Variants in TRPV2 observed in about 807,000 individuals in gnomAD.
The protein encoded by TRPV2 is transient receptor potential cation channel subfamily V member 2.
Under a neutral mutation model 91.0 loss-of-function variants are expected in TRPV2, and 58 were observed. The observed-to-expected ratio is 0.64, with a 90% CI of 0.52 to 0.79. The LOEUF is 0.79. Among genes scored for constraint, TRPV2 ranks in the 30% least tolerant of loss-of-function variants. The pLI is 0.00. For missense variants in TRPV2, 807 were observed against 969.6 expected (o/e 0.83, Z 2.23); for synonymous variants, 417 against 414.8 (o/e 1.01, Z -0.06).
Position 16,422,889 on chromosome 17 carries a change from GGTGA to G in TRPV2, c.625+6_625+9del. 6.4e-7 allele frequency: 1 copy of G among 1,558,526 alleles called. No homozygotes were observed. The highest frequency in any genetic ancestry group is 8.7e-7 in the Non-Finnish European group (1 of 1,150,038). On this transcript the variant is annotated splice_donor_variant and splice_donor_region_variant and intron_variant, in intron 4 of 14. Coordinates refer to ENST00000338560, the MANE Select transcript of TRPV2 (RefSeq NM_016113.5). LOFTEE classifies it high-confidence loss of function. The stretch of plus-strand genomic sequence containing the variant: ...GGGCCAAGGGACTTGCTTTTATTTC[GGTGA>G]GTGAGCCTTTCTTGGATAAATCGAG...
At chr17:16,429,016 T>C in intron 10 of TRPV2, 34 bp downstream of exon 10, 1 of 1,611,428 alleles carries the variant, frequency 6.2e-7, no homozygotes, top group Middle Eastern at 1.7e-4. Flanking sequence ...GGGACTCTTT[T>C]GGCCTCATCA....
At position 16,423,720 on chromosome 17, in the gene TRPV2, C is replaced by T; in HGVS notation, c.877C>T (p.Gln293Ter). 1 of 1,607,198 alleles carries T rather than the reference C, an allele frequency of 6.2e-7. No homozygotes were observed. The highest frequency in any genetic ancestry group is 8.5e-7 in the Non-Finnish European group (1 of 1,175,164). Residue 293 changes from glutamine (Q) to a stop codon, truncating the protein, a stop_gained, in exon 5 of 15, where the codon CAG becomes TAG. Coordinates refer to ENST00000338560, the MANE Select transcript of TRPV2 (RefSeq NM_016113.5). LOFTEE classifies it high-confidence loss of function. ...TVQLEDIRNL[Q>*]DLTPLKLAAK... ...GCAGCTTGAGGACATCCGCAACCTGCAGGATCTCACGCCTCTGAAGCTGGC... is the reference window on the plus strand; with the variant it reads ...GCAGCTTGAGGACATCCGCAACCTGTAGGATCTCACGCCTCTGAAGCTGGC...
intron 10 of TRPV2, among the ~76,000 whole-genome samples, chr17:16,431,371 A>G (rs1386469544): frequency 7.5e-6 from 1 of 134,054 alleles, no homozygotes; most frequent in Admixed American, 8.1e-5. Flanking sequence ...TCGGCTCACC[A>G]CAACCTCTGC....
In TRPV2 at chr17:16,427,330, C is replaced by G; in HGVS notation, c.1252-119C>G. Reference sequence around the variant, plus strand: ...CTTCCCTGGAGCCCATGTTCCCATGCCGTTCTGAGGAGCCTCTCCACAGCT... The same window carrying G: ...CTTCCCTGGAGCCCATGTTCCCATGGCGTTCTGAGGAGCCTCTCCACAGCT... On this transcript the variant is annotated intron_variant, in intron 7 of 14. Transcript: ENST00000338560. The G allele has an allele frequency of 6.8e-6, 6 of 883,324 alleles. No homozygotes were observed. In the South Asian group the frequency reaches 1.0e-4, roughly 15 times the overall value. The allele number at this position is 883,324 out of a possible 1,614,324, so 54.7% of individuals were successfully genotyped here.
rs1158161494 is a variant in TRPV2 at position 16,436,924 on chromosome 17, C to A, written c.*35C>A. On this transcript the variant is annotated 3_prime_UTR_variant, in exon 15 of 15. Coordinates refer to ENST00000338560, the MANE Select transcript of TRPV2 (RefSeq NM_016113.5). Reference sequence around the variant, plus strand: ...TGCAGCAGGAGGCCAGAGGACAGAGCAGAGGATCTTTCCAACCACATCTGC... The same window carrying A: ...TGCAGCAGGAGGCCAGAGGACAGAGAAGAGGATCTTTCCAACCACATCTGC... The A allele has an allele frequency of 6.5e-7, 1 of 1,550,214 alleles. No homozygotes were observed. Among genetic ancestry groups the A allele is most frequent in the South Asian group, 1.1e-5 (1 of 89,896 alleles).
At chr17:16,423,343 G>T in intron 4 of TRPV2, 126 bp from the exon 5 acceptor site, 2 of 1,120,792 alleles carry the variant, frequency 1.8e-6, no homozygotes, top group Non-Finnish European at 2.5e-6. Flanking sequence ...CCCCTGTTCT[G>T]CTCCCTTCAG....
chr17:16,435,051 C>T lies in TRPV2; in HGVS notation c.2194+82C>T. ...CCACAAAGCCTTGGAGAGTCTGGGGCAGGACCCAGAGACCTCCTCATAGTC... is the reference window on the plus strand; with the variant it reads ...CCACAAAGCCTTGGAGAGTCTGGGGTAGGACCCAGAGACCTCCTCATAGTC... On this transcript the variant is annotated intron_variant, in intron 14 of 14. Coordinates refer to ENST00000338560, the MANE Select transcript of TRPV2 (RefSeq NM_016113.5). This position sits in a 1 kb window ranked among gnomAD's most constrained non-coding sequence, Gnocchi z 4.2. The T allele has an allele frequency of 4.0e-6, 5 of 1,248,124 alleles. No individual in the cohort carries two copies. The highest frequency in any genetic ancestry group is 5.5e-6 in the Non-Finnish European group (5 of 903,480). 77.3% of individuals were successfully genotyped at this position (1,248,124 alleles called of 1,614,324 possible).
intron 1 of TRPV2, chr17:16,416,674 G>A (rs1258088579): frequency 1.3e-5 from 2 of 152,210 alleles, no homozygotes; most frequent in Non-Finnish European, 2.9e-5. Context: ...AATATAGACA[G>A]ACCCTGAAAG....
In TRPV2 at chr17:16,417,673, C is replaced by T. The variant is rs1399748667; in HGVS notation, c.5C>T (p.Thr2Ile). The change falls in exon 2 of 15, where the codon ACC (threonine) becomes ATC (isoleucine). Residue 2 changes from threonine to isoleucine, a missense_variant. Coordinates refer to ENST00000338560, the MANE Select transcript of TRPV2 (RefSeq NM_016113.5). ...GAGCAGCCTCCTCCTCCTAGGATGA[C>T]CTCACCCTCCAGCTCTCCAGTTTTC... M[T>I]SPSSSPVFRL... 1.9e-6 allele frequency: 3 copies of T among 1,614,048 alleles called. No homozygotes were observed. The highest frequency in any genetic ancestry group is 2.5e-6 in the Non-Finnish European group (3 of 1,179,958).
intron 9 of TRPV2, 91 bp downstream of exon 9, chr17:16,428,478 C>T (rs549659886): frequency 5.1e-6 from 7 of 1,368,172 alleles, no homozygotes; most frequent in African/African-American, 4.3e-5. Context: ...GCTTTAGAGG[C>T]GAGGACACGG....
intron 12 of TRPV2, 64 bp downstream of exon 12, chr17:16,432,364 G>T: frequency 6.8e-7 from 1 of 1,471,738 alleles, no homozygotes; most frequent in Non-Finnish European, 9.2e-7. Flanking sequence ...GAGTGCTCCG[G>T]ACCCTGCGGA....
intron 12 of TRPV2, among the ~76,000 whole-genome samples, chr17:16,432,899 G>A (rs1463558010): frequency 1.3e-5 from 2 of 151,428 alleles, no homozygotes; most frequent in Non-Finnish European, 2.9e-5. Context: ...TTTGTCTCCT[G>A]GGTTCAAGCG....
In TRPV2 at chr17:16,426,812, C is replaced by T; in HGVS notation, c.1186C>T (p.Leu396=). ...CATCCCCAAGTTCTTCTTAAACTTC[C>T]TGTGTAATCTGATCTACATGTTCAT... ...LLIPKFFLNF[L]CNLIYMFIFT... Residue 396 remains leucine (L), a synonymous_variant, in exon 7 of 15, where the codon CTG becomes TTG. Transcript: ENST00000338560. The surrounding 1 kb of genome is among the most constrained non-coding windows in gnomAD (Gnocchi z 6.0). The T allele has an allele frequency of 6.2e-7, 1 of 1,614,068 alleles. No homozygotes were observed. Among genetic ancestry groups the T allele is most frequent in the Non-Finnish European group, 8.5e-7 (1 of 1,180,000 alleles).
intron 13 of TRPV2, among the ~76,000 whole-genome samples, chr17:16,434,113 C>T (rs1057378098): frequency 5.3e-5 from 8 of 152,184 alleles, no homozygotes; most frequent in Non-Finnish European, 1.0e-4. Context: ...ACATGCCCTT[C>T]TGTGTCCAGG....
intron 14 of TRPV2, 95 bp from the exon 15 acceptor site, chr17:16,436,694 G>A (rs2093435137): frequency 2.4e-6 from 2 of 844,308 alleles, no homozygotes; most frequent in Non-Finnish European, 4.0e-6. Context: ...CCCACGGCAT[G>A]ACGTGTTTTC....
At chr17:16,417,255 A>ATT (rs34360076) in intron 1 of TRPV2, among the ~76,000 whole-genome samples, 3,206 of 133,756 alleles carry the variant, frequency 0.024, 68 homozygotes, top group African/African-American at 0.028. Context: ...AAAAACCGCA[A>ATT]TTTTTTTTTT....
intron 13 of TRPV2, chr17:16,434,564 G>T: frequency 3.6e-6 from 1 of 279,446 alleles, no homozygotes; most frequent in Non-Finnish European, 6.6e-6. Flanking sequence ...GGCATGAGGA[G>T]CAGCCATGAT....
intron 7 of TRPV2, among the ~76,000 whole-genome samples, chr17:16,427,108 C>T (rs1223232058): frequency 1.3e-5 from 2 of 152,078 alleles, no homozygotes; most frequent in East Asian, 3.8e-4. Context: ...AATTAATGTG[C>T]CCCAAAACCC....
Position 16,426,162 on chromosome 17 carries a change from G to A in TRPV2, c.988G>A (p.Glu330Lys), listed in dbSNP as rs575452868. The A allele has an allele frequency of 3.1e-6, 5 of 1,614,200 alleles. No individual in the cohort carries two copies. The highest frequency in any genetic ancestry group is 1.1e-5 in the South Asian group (1 of 91,082). The change falls in exon 6 of 15, where the codon GAG becomes AAG. Residue 330 changes from glutamate to lysine, a missense_variant. Coordinates refer to ENST00000338560, the MANE Select transcript of TRPV2 (RefSeq NM_016113.5). This position sits in a 1 kb window ranked among gnomAD's most constrained non-coding sequence, Gnocchi z 6.0. ...GAGCCACCTTTCCCGAAAGTTCACC[G>A]AGTGGTGCTATGGGCCTGTCCGGGT... is the stretch of plus-strand genomic sequence containing the variant. ...GLSHLSRKFT[E>K]WCYGPVRVSL...
Sources: allele counts gnomAD v4.1 joint callset (sites outside exome capture counted in the v4.1 genomes callset), GRCh38; gene constraint gnomAD v4.1.1; non-coding constraint Gnocchi (gnomAD v3.1); transcripts MANE v1.5; gene names NCBI Gene and HGNC (gene_info 2026-07-23, HGNC 2026-07-21).